Variants in CENATAC observed in about 807,000 individuals in gnomAD.
CENATAC encodes the protein coiled-coil domain containing 84.
In CENATAC, 53 loss-of-function variants were observed where a neutral mutation model predicts 53.7. The observed-to-expected ratio is 0.99, with a 90% CI of 0.79 to 1.24. The LOEUF is 1.24. Among genes scored for constraint, CENATAC ranks in the 50% most tolerant of loss-of-function variants. The probability of loss-of-function intolerance (pLI) is 0.00; values close to 1 mark genes in which losing one functional copy is unlikely to be tolerated. For missense variants in CENATAC, 474 were observed against 417.8 expected (o/e 1.13, Z -1.17); for synonymous variants, 156 against 144.6 (o/e 1.08, Z -0.57).
rs1942153840 is a variant in CENATAC, at chr11:118,998,991, C to T, written c.285-20C>T. 1.9e-6 allele frequency: 3 copies of T among 1,557,914 alleles called. No homozygotes were observed. The highest frequency in any genetic ancestry group is 2.7e-6 in the Non-Finnish European group (3 of 1,129,024). On this transcript the variant is annotated intron_variant, in intron 2 of 10. Transcript: ENST00000334418. ...ATTTTATAATCTATAGCTGAGATTA[C>T]TTATCCTCTCCATTTTCAGCCCAGA...
intron 3 of CENATAC, chr11:119,001,680 C>T (rs910120556): frequency 6.6e-6 from 3 of 455,880 alleles, no homozygotes; most frequent in South Asian, 3.1e-5. Flanking sequence ...CAAGTGAACT[C>T]GTGCAGTTCA....
intron 10 of CENATAC, 46 bp from the exon 11 acceptor site, chr11:119,015,492 G>C: frequency 6.2e-7 from 1 of 1,613,834 alleles, no homozygotes; most frequent in Non-Finnish European, 8.5e-7. Flanking sequence ...CTCCTTTTTG[G>C]AGATGTCACC....
chr11:119,011,155 G>A (rs936141426), intron 4 of CENATAC, 66 bp from the exon 5 acceptor site: 1 of 1,437,352 alleles, frequency 7.0e-7, no homozygotes, highest in African/African-American at 1.4e-5. Context: ...CCAAGTTAAA[G>A]GAAAGGCCTC....
In CENATAC at chr11:119,015,374, G is replaced by T; in HGVS notation, c.873G>T (p.Arg291Ser). 1 of 1,614,202 alleles carries T rather than the reference G, an allele frequency of 6.2e-7. No individual in the cohort carries two copies. The highest frequency in any genetic ancestry group is 1.3e-5 in the African/African-American group (1 of 75,060). ...RVGANFDHSSRTSAGWLPSFG... is the reference protein window; with the variant it reads ...RVGANFDHSSSTSAGWLPSFG... ...GGGCCAACTTTGATCACAGCTCCAGGACCAGTGCAGGCTGGCTGCCCTCTT... is the reference window on the plus strand; with the variant it reads ...GGGCCAACTTTGATCACAGCTCCAGTACCAGTGCAGGCTGGCTGCCCTCTT... The change falls in exon 10 of 11, where the codon AGG becomes AGT. Residue 291 changes from arginine to serine, a missense_variant. Physicochemically the swap from Arg to Ser is moderately radical, Grantham distance 110. Transcript: ENST00000334418.
intron 3 of CENATAC, chr11:119,004,857 AAGACCAGCCTGAACAACAT>A (rs1942500853): frequency 6.6e-6 from 1 of 152,460 alleles, no homozygotes; most frequent in Admixed American, 6.6e-5. Flanking sequence ...CCAGGAGTTT[AAGACCAGCCTGAACAACAT>A]AGTGAAACCC....
chr11:119,012,169 A>G lies in CENATAC; in HGVS notation c.599A>G (p.Gln200Arg). The G allele has an allele frequency of 6.2e-7, 1 of 1,614,182 alleles. No individual in the cohort carries two copies. ...TTCAGCCAAGTAGCTTCCAGCTTACAGCAGCCCTCAAATTTGGACCTGCCA... is the reference window on the plus strand; with the variant it reads ...TTCAGCCAAGTAGCTTCCAGCTTACGGCAGCCCTCAAATTTGGACCTGCCA... ...GMNSQVASSL[Q>R]QPSNLDLPPA... The change falls in exon 7 of 11, where the codon CAG becomes CGG. Residue 200 changes from glutamine to arginine, a missense_variant. Coordinates refer to ENST00000334418, the MANE Select transcript of CENATAC (RefSeq NM_198489.3).
rs59138314 is a variant in CENATAC, at chr11:119,003,338, T to C, written c.383+4229T>C. ...CCAGAAGGCTAGTGATACGCGGATC[T>C]TCTTTTTTTTGTGGCTGTGGACACC... On this transcript the variant is annotated intron_variant, in intron 3 of 10. Coordinates refer to ENST00000334418, the MANE Select transcript of CENATAC (RefSeq NM_198489.3). 678 of 534,002 alleles carry C rather than the reference T, an allele frequency of 1.3e-3. 1 individual carries two copies. The highest frequency in any genetic ancestry group is 0.012 in the African/African-American group (601 of 52,160). 33.1% of individuals were successfully genotyped at this position (534,002 alleles called of 1,614,324 possible).
intron 3 of CENATAC, among the ~76,000 whole-genome samples, chr11:119,002,224 CAAA>C (rs782664366): frequency 0.033 from 1,611 of 49,338 alleles, 12 homozygotes; most frequent in African/African-American, 0.11. Flanking sequence ...AACTCTGTCT[CAAA>C]AAAAAAAAAA....
In CENATAC at chr11:119,015,005, C is replaced by G; in HGVS notation, c.727C>G (p.Pro243Ala). Reference sequence around the variant, plus strand: ...AATTTTTTTTTCAGGTGCCACACCTCCCTGGATGATCCAAGATGAAGAATA... The same window carrying G: ...AATTTTTTTTTCAGGTGCCACACCTGCCTGGATGATCCAAGATGAAGAATA... ...VGNIHSGATPPWMIQDEEYIA... is the reference protein window; with the variant it reads ...VGNIHSGATPAWMIQDEEYIA... Residue 243 changes from proline (P) to alanine (A), a missense_variant, in exon 9 of 11, where the codon CCC becomes GCC. Physicochemically the swap from Pro to Ala is conservative, Grantham distance 27. Transcript: ENST00000334418. 2.0e-5 allele frequency: 32 copies of G among 1,603,790 alleles called. No individual in the cohort carries two copies. Among genetic ancestry groups the G allele is most frequent in the Non-Finnish European group, 2.6e-5 (31 of 1,176,250 alleles).
chr11:119,015,600 C>T lies in CENATAC; in HGVS notation c.*2C>T, dbSNP rs1258226124. 1.2e-6 allele frequency: 2 copies of T among 1,613,816 alleles called. No individual in the cohort carries two copies. The highest frequency in any genetic ancestry group is 1.7e-6 in the Non-Finnish European group (2 of 1,179,924). ...CAGTCACATACAGAAAAAAGCTAAT[C>T]ATGCTCTCTACCAACTACCATGAGG... On this transcript the variant is annotated 3_prime_UTR_variant, in exon 11 of 11. Transcript: ENST00000334418.
intron 5 of CENATAC, among the ~76,000 whole-genome samples, chr11:119,011,526 C>G (rs1343556844): frequency 6.6e-6 from 1 of 152,064 alleles, no homozygotes; most frequent in Non-Finnish European, 1.5e-5. Context: ...ATTACAGGTG[C>G]CGCCACCACG....
Position 118,998,201 on chromosome 11 carries a change from G to C in CENATAC, c.4G>C (p.Ala2Pro), listed in dbSNP as rs781824691. Reference protein sequence around the residue: MAPAQRCPLCRQ... With the variant: MPPAQRCPLCRQ... ...GGTGATACCGGGTACCCGGGCTATG[G>C]CGCCGGCGCAGCGCTGCCCTCTGTG... Residue 2 changes from alanine to proline, a missense_variant, in exon 1 of 11, where the codon GCG becomes CCG. Coordinates refer to ENST00000334418, the MANE Select transcript of CENATAC (RefSeq NM_198489.3). 1 of 1,579,574 alleles carries C rather than the reference G, an allele frequency of 6.3e-7. No individual in the cohort carries two copies. The highest frequency in any genetic ancestry group is 1.2e-5 in the South Asian group (1 of 86,846).
intron 3 of CENATAC, among the ~76,000 whole-genome samples, chr11:119,006,519 G>A (rs988002929): frequency 1.3e-5 from 2 of 152,058 alleles, no homozygotes; most frequent in Non-Finnish European, 2.9e-5. Flanking sequence ...ACAGGCGTAA[G>A]CCACCATGCC....
rs553796774 is a variant in CENATAC at position 118,999,348 on chromosome 11, C to T, written c.383+239C>T. 1.4e-5 allele frequency: 6 copies of T among 439,460 alleles called. No individual in the cohort carries two copies. The South Asian group carries it at 2.3e-4, about 17-fold the overall frequency. The allele number at this position is 439,460 out of a possible 1,614,324, so 27.2% of individuals were successfully genotyped here. A position where few individuals can be genotyped will look rare whatever the true frequency, so the allele number is the denominator to read the frequency against. ...AATACTAAAAGTTGACTGTTATCAA[C>T]TACTTAAATATGAGGCACCGAGAAT... On this transcript the variant is annotated intron_variant, in intron 3 of 10. Transcript: ENST00000334418.
At chr11:119,000,685 AGGCAGAG>A (rs1942248152) in intron 3 of CENATAC, among the ~76,000 whole-genome samples, 2 of 151,948 alleles carry the variant, frequency 1.3e-5, no homozygotes, top group Non-Finnish European at 2.9e-5. Context: ...GAACCTGGCG[AGGCAGAG>A]GTTGCAGTGA....
chr11:118,999,921 C>T (rs1414794840), intron 3 of CENATAC, among the ~76,000 whole-genome samples: 3 of 152,180 alleles, frequency 2.0e-5, no homozygotes, highest in Admixed American at 6.6e-5. Context: ...GGATTACAGG[C>T]GTGAGCCACC....
In CENATAC at chr11:119,003,330, C is replaced by T. The variant is rs112651487; in HGVS notation, c.383+4221C>T. On this transcript the variant is annotated intron_variant, in intron 3 of 10. Coordinates refer to ENST00000334418, the MANE Select transcript of CENATAC (RefSeq NM_198489.3). Reference sequence around the variant, plus strand: ...TTGGGCCGCCAGAAGGCTAGTGATACGCGGATCTTCTTTTTTTTGTGGCTG... The same window carrying T: ...TTGGGCCGCCAGAAGGCTAGTGATATGCGGATCTTCTTTTTTTTGTGGCTG... The T allele has an allele frequency of 3.5e-3, 1,857 of 533,664 alleles. 29 individuals are homozygous for T. Among genetic ancestry groups the T allele is most frequent in the African/African-American group, 0.031 (1,642 of 52,152 alleles). 33.1% of individuals were successfully genotyped at this position (533,664 alleles called of 1,614,324 possible).
intron 2 of CENATAC, 66 bp downstream of exon 2, chr11:118,998,659 T>C (rs1942135271): frequency 4.0e-6 from 6 of 1,505,714 alleles, no homozygotes; most frequent in Non-Finnish European, 3.6e-6. Flanking sequence ...GGGTTTGGGG[T>C]GGGTGAGAAA....
intron 3 of CENATAC, among the ~76,000 whole-genome samples, chr11:119,000,706 G>A (rs1942249234): frequency 6.6e-6 from 1 of 151,792 alleles, no homozygotes; most frequent in Non-Finnish European, 1.5e-5. Flanking sequence ...GCAGTGAGCC[G>A]AGATCGCACC....
Sources: gnomAD v4.1 joint callset for allele counts (sites outside exome capture counted in the v4.1 genomes callset) on GRCh38, gnomAD v4.1.1 for gene constraint, MANE v1.5 for transcripts, NCBI Gene and HGNC (gene_info 2026-07-23, HGNC 2026-07-21) for gene names.